The following GRIN2B variants were observed in gnomAD, a reference collection of about 807,000 sequenced individuals.
The protein encoded by GRIN2B is glutamate ionotropic receptor NMDA type subunit 2B.
GRIN2B carries 5 observed loss-of-function variants against 114.5 expected under a neutral mutation model. The observed-to-expected ratio is 0.04, with a 90% CI of 0.02 to 0.09. The LOEUF (loss-of-function observed/expected upper bound fraction) is 0.09. Ranked by LOEUF, GRIN2B falls within the 10% of genes least tolerant of loss-of-function variation. The probability of loss-of-function intolerance (pLI) is 1.00; values close to 1 mark genes in which losing one functional copy is unlikely to be tolerated. For synonymous variants in GRIN2B, 787 were observed against 745.1 expected, an observed-to-expected ratio of 1.06 and a Z score of -0.92; for missense variants, 1,108 against 1,943.5, an observed-to-expected ratio of 0.57 and a Z score of 8.08.
At chr12:13,976,629 T>C (rs1034033080) in intron 2 of GRIN2B, among the ~76,000 whole-genome samples, 1 of 152,220 alleles carries the variant, frequency 6.6e-6, no homozygotes, top group African/African-American at 2.4e-5. Flanking sequence ...GGATTATGAT[T>C]TCTTCCCATA....
chr12:13,888,474 C>G (rs1027332340), intron 2 of GRIN2B, among the ~76,000 whole-genome samples: 9 of 151,036 alleles, frequency 6.0e-5, no homozygotes, highest in Admixed American at 5.9e-4. Context: ...TGGCTCACAA[C>G]TGTAATCCCA....
intron 2 of GRIN2B, among the ~76,000 whole-genome samples, chr12:13,890,926 C>A (rs1464926945): frequency 1.3e-5 from 2 of 152,176 alleles, no homozygotes; most frequent in Non-Finnish European, 2.9e-5. Flanking sequence ...CGGAACCCAT[C>A]TGAGCAGGTT....
intron 2 of GRIN2B, among the ~76,000 whole-genome samples, chr12:13,923,412 C>T (rs1442662318): frequency 6.6e-6 from 1 of 152,166 alleles, no homozygotes; most frequent in Non-Finnish European, 1.5e-5. Flanking sequence ...GAGAATCAGA[C>T]ATGAAATTGC....
intron 4 of GRIN2B, among the ~76,000 whole-genome samples, chr12:13,709,100 C>G (rs914432295): frequency 6.6e-6 from 1 of 151,962 alleles, no homozygotes; most frequent in African/African-American, 2.4e-5. Flanking sequence ...CTTAACACAA[C>G]TATGAAACCT....
intron 10 of GRIN2B, among the ~76,000 whole-genome samples, chr12:13,577,827 TCAAGGAGTTTG>T (rs1281925571): frequency 4.6e-5 from 7 of 152,222 alleles, no homozygotes; most frequent in African/African-American, 1.7e-4. Flanking sequence ...GACCCAGTTT[TCAAGGAGTTTG>T]CATTACAGAG....
At chr12:13,671,303 A>G (rs1950020127) in intron 5 of GRIN2B, among the ~76,000 whole-genome samples, 1 of 152,158 alleles carries the variant, frequency 6.6e-6, no homozygotes. Context: ...GTAAAACCCT[A>G]TGTTACAAAC....
rs771246986 is a variant in GRIN2B at position 13,753,314 on chromosome 12, C to G, written c.1010+3G>C. The G allele has an allele frequency of 2.0e-6, 3 of 1,492,586 alleles. No homozygotes were observed. Among genetic ancestry groups the G allele is most frequent in the Non-Finnish European group, 2.8e-6 (3 of 1,069,192 alleles). The allele number at this position is 1,492,586 out of a possible 1,614,324, so 92.5% of individuals were successfully genotyped here. On this transcript the variant is annotated splice_donor_region_variant and intron_variant, in intron 4 of 13. Coordinates refer to ENST00000609686, the MANE Select transcript of GRIN2B (RefSeq NM_000834.5). This position sits in a 1 kb window ranked among gnomAD's most constrained non-coding sequence, Gnocchi z 6.2. The stretch of plus-strand genomic sequence containing the variant: ...ATCAATGTGCCCTCTGTTCCACACT[C>G]ACCTATTTAGCATATTGGACTGGTA...
At chr12:13,839,403 T>C (rs1865341543) in intron 3 of GRIN2B, among the ~76,000 whole-genome samples, 1 of 152,166 alleles carries the variant, frequency 6.6e-6, no homozygotes, top group Non-Finnish European at 1.5e-5. Context: ...AATTTGAAAG[T>C]GGTTCAATCA....
chr12:13,731,599 T>TCAAA (rs937056148), intron 4 of GRIN2B, among the ~76,000 whole-genome samples: 15 of 151,980 alleles, frequency 9.9e-5, no homozygotes, highest in African/African-American at 3.4e-4. Context: ...AGACTCCATC[T>TCAAA]CAAACAAACA....
At chr12:13,864,938 C>A (rs1234195032) in intron 3 of GRIN2B, among the ~76,000 whole-genome samples, 2 of 152,176 alleles carry the variant, frequency 1.3e-5, no homozygotes, top group African/African-American at 4.8e-5. Flanking sequence ...TTAATGTGCA[C>A]CCAATTGCCT....
At chr12:13,889,843 C>T (rs1041522411) in intron 2 of GRIN2B, among the ~76,000 whole-genome samples, 7 of 152,318 alleles carry the variant, frequency 4.6e-5, no homozygotes, top group South Asian at 4.1e-4. Context: ...GAAGCTAACA[C>T]GCTCAATGGT....
intron 3 of GRIN2B, among the ~76,000 whole-genome samples, chr12:13,799,474 C>T (rs1007964514): frequency 6.6e-6 from 1 of 152,170 alleles, no homozygotes; most frequent in East Asian, 1.9e-4. Flanking sequence ...AGACCAAATA[C>T]TTTCATATCA....
chr12:13,630,310 T>C (rs1949605999), intron 5 of GRIN2B, among the ~76,000 whole-genome samples: 1 of 152,228 alleles, frequency 6.6e-6, no homozygotes, highest in Non-Finnish European at 1.5e-5. Context: ...TTCAGAATAG[T>C]CTTATAAGGT....
chr12:13,969,748 T>C (rs1321946216), intron 2 of GRIN2B, among the ~76,000 whole-genome samples: 2 of 152,364 alleles, frequency 1.3e-5, no homozygotes, highest in African/African-American at 4.8e-5. Flanking sequence ...TAAACTAGAT[T>C]GCCTGCAATG....
At chr12:13,955,072 G>C (rs981694768) in intron 2 of GRIN2B, among the ~76,000 whole-genome samples, 1 of 151,844 alleles carries the variant, frequency 6.6e-6, no homozygotes, top group African/African-American at 2.4e-5. Flanking sequence ...TTCTATTCCA[G>C]GAGAAGAAGA....
chr12:13,614,079 A>G (rs1173759697), intron 8 of GRIN2B, among the ~76,000 whole-genome samples: 2 of 151,728 alleles, frequency 1.3e-5, no homozygotes, highest in African/African-American at 4.8e-5. Context: ...ATTACTGGAT[A>G]CAGTGTGTAC....
At chr12:13,826,561 C>T (rs1865039466) in intron 3 of GRIN2B, among the ~76,000 whole-genome samples, 1 of 152,140 alleles carries the variant, frequency 6.6e-6, no homozygotes, top group Non-Finnish European at 1.5e-5. Context: ...CTTAGGGCTA[C>T]TTATGGCTGT....
chr12:13,608,260 G>A (rs1949314893), intron 10 of GRIN2B, among the ~76,000 whole-genome samples: 1 of 152,180 alleles, frequency 6.6e-6, no homozygotes, highest in African/African-American at 2.4e-5. Context: ...GTACACGGCG[G>A]CGGTCCTCTA....
chr12:13,979,117 A>G (rs1350818548), intron 2 of GRIN2B, among the ~76,000 whole-genome samples: 1 of 152,240 alleles, frequency 6.6e-6, no homozygotes, highest in African/African-American at 2.4e-5. Context: ...TGTAGAAGTA[A>G]CAGTTTGCTT....
Sources: allele counts gnomAD v4.1 joint callset (sites outside exome capture counted in the v4.1 genomes callset), GRCh38; gene constraint gnomAD v4.1.1; non-coding constraint Gnocchi (gnomAD v3.1); transcripts MANE v1.5; gene names NCBI Gene and HGNC (gene_info 2026-07-23, HGNC 2026-07-21).